Variants in GNG7 observed in about 807,000 individuals in gnomAD.
GNG7 encodes the protein guanine nucleotide-binding protein G(I)/G(S)/G(O) subunit gamma-7.
Under a neutral mutation model 4.0 loss-of-function variants are expected in GNG7, and 1 was observed. That is an observed-to-expected ratio of 0.25 (90% CI 0.09 to 1.18). The LOEUF is 1.18. Among genes scored for constraint, GNG7 ranks in the 50% most tolerant of loss-of-function variants. The probability of loss-of-function intolerance (pLI) is 0.50; values close to 1 mark genes in which losing one functional copy is unlikely to be tolerated. For synonymous variants in GNG7, 34 were observed against 36.9 expected, an observed-to-expected ratio of 0.92 and a Z score of 0.29; for missense variants, 86 against 91.9, an observed-to-expected ratio of 0.94 and a Z score of 0.26.
rs540144542 is a variant in GNG7, at chr19:2,642,691, G to A, written c.-78+3533C>T. On this transcript the variant is annotated intron_variant, in intron 2 of 4. Transcript: ENST00000382159. The stretch of plus-strand genomic sequence containing the variant: ...AATTTTCTGTAGAGTTTAGGATATC[G>A]CTCTGTTGACCAGGCTGATCTCAAA... 339 of 423,408 alleles carry A rather than the reference G, an allele frequency of 8.0e-4. 5 individuals are homozygous for A. Among genetic ancestry groups the A allele is most frequent in the South Asian group, 5.7e-3 (332 of 58,126 alleles). The allele number at this position is 423,408 out of a possible 1,614,324, so 26.2% of individuals were successfully genotyped here. A position where few individuals can be genotyped will look rare whatever the true frequency, so the allele number is the denominator to read the frequency against.
intron 2 of GNG7, among the ~76,000 whole-genome samples, chr19:2,593,066 G>A (rs921043337): frequency 3.4e-5 from 5 of 145,954 alleles, no homozygotes; most frequent in African/African-American, 7.5e-5. Flanking sequence ...AGGAGAGGGA[G>A]GGAGGAAAAA....
chr19:2,543,488 G>A (rs552339235), intron 3 of GNG7, among the ~76,000 whole-genome samples: 1 of 152,260 alleles, frequency 6.6e-6, no homozygotes, highest in African/African-American at 2.4e-5. Flanking sequence ...GCCTCCCAAA[G>A]TGCTAGGATC....
chr19:2,554,171 T>A (rs1361597259), intron 3 of GNG7, among the ~76,000 whole-genome samples: 1 of 145,250 alleles, frequency 6.9e-6, no homozygotes, highest in Non-Finnish European at 1.5e-5. Context: ...ATATAATATA[T>A]AATATATATA....
chr19:2,603,287 G>A (rs995606588), intron 2 of GNG7, among the ~76,000 whole-genome samples: 2 of 152,146 alleles, frequency 1.3e-5, no homozygotes, highest in Non-Finnish European at 1.5e-5. Flanking sequence ...GGGTGATCTC[G>A]ATCTCCTGAC....
At chr19:2,658,129 C>T (rs941925672) in intron 1 of GNG7, among the ~76,000 whole-genome samples, 4 of 152,064 alleles carry the variant, frequency 2.6e-5, no homozygotes, top group Non-Finnish European at 5.9e-5. Context: ...ACCTCTTTGT[C>T]TTGTGTCTTT....
At chr19:2,699,085 T>A (rs1913337429) in intron 1 of GNG7, among the ~76,000 whole-genome samples, 2 of 151,720 alleles carry the variant, frequency 1.3e-5, no homozygotes, top group African/African-American at 4.8e-5. Flanking sequence ...CTTCAGGCCA[T>A]CTTCTAAATC....
At chr19:2,615,886 C>T (rs536509840) in intron 2 of GNG7, among the ~76,000 whole-genome samples, 2 of 152,344 alleles carry the variant, frequency 1.3e-5, no homozygotes, top group Admixed American at 6.5e-5. Flanking sequence ...TGTGCACCCA[C>T]GGCAGCCAGC....
intron 1 of GNG7, among the ~76,000 whole-genome samples, chr19:2,695,248 G>A (rs1293991685): frequency 1.3e-5 from 2 of 151,378 alleles, no homozygotes; most frequent in East Asian, 3.9e-4. Context: ...AAGCTTCCTC[G>A]TGGCCTCCTG....
At chr19:2,644,533 T>C (rs1982615465) in intron 2 of GNG7, among the ~76,000 whole-genome samples, 1 of 151,894 alleles carries the variant, frequency 6.6e-6, no homozygotes, top group Non-Finnish European at 1.5e-5. Context: ...CACAATTCAA[T>C]GGCATTTAGT....
intron 1 of GNG7, among the ~76,000 whole-genome samples, chr19:2,699,474 TA>T (rs1913348697): frequency 6.6e-6 from 1 of 152,162 alleles, no homozygotes; most frequent in Non-Finnish European, 1.5e-5. Context: ...TAATGTTTTC[TA>T]AAAGCAGTGA....
chr19:2,680,146 T>C (rs1009750711), intron 1 of GNG7, among the ~76,000 whole-genome samples: 24 of 119,344 alleles, frequency 2.0e-4, no homozygotes, highest in East Asian at 1.6e-3. Flanking sequence ...CCTTGTCTCT[T>C]TTTTTTTTTT....
chr19:2,623,366 G>A lies in GNG7; in HGVS notation c.-78+22858C>T, dbSNP rs1981932259. ...GTTCCTTACCCAAAGGAATTGCAAGGAGGGGCTCGGACAGATACTTGTACT... is the reference window on the plus strand; with the variant it reads ...GTTCCTTACCCAAAGGAATTGCAAGAAGGGGCTCGGACAGATACTTGTACT... On this transcript the variant is annotated intron_variant, in intron 2 of 4. Coordinates refer to ENST00000382159, the MANE Select transcript of GNG7 (RefSeq NM_052847.3). Among the ~76,000 whole-genome samples the A allele has an allele frequency of 2.6e-5, 4 of 151,714 alleles. No homozygotes were observed. The South Asian group carries it at 6.2e-4, about 24-fold the overall frequency.
At position 2,633,928 on chromosome 19, in the gene GNG7, C is replaced by G. The variant is rs1982238376; in HGVS notation, c.-78+12296G>C. Among the ~76,000 whole-genome samples the G allele has an allele frequency of 6.6e-6, 1 of 151,852 alleles. No homozygotes were observed. Among genetic ancestry groups the G allele is most frequent in the East Asian group, 2.0e-4 (1 of 5,108 alleles). On this transcript the variant is annotated intron_variant, in intron 2 of 4. Coordinates refer to ENST00000382159, the MANE Select transcript of GNG7 (RefSeq NM_052847.3). The surrounding 1 kb of genome is among the most constrained non-coding windows in gnomAD (Gnocchi z 5.9). ...CATGGCATCCACCAATCGAGGCAGCCACAAATGTCTCCTGGGTGCAAAATT... is the reference window on the plus strand; with the variant it reads ...CATGGCATCCACCAATCGAGGCAGCGACAAATGTCTCCTGGGTGCAAAATT...
chr19:2,640,496 G>A (rs1043733059), intron 2 of GNG7, among the ~76,000 whole-genome samples: 1 of 152,190 alleles, frequency 6.6e-6, no homozygotes, highest in African/African-American at 2.4e-5. Context: ...CCCTCCTTGT[G>A]TGAAATCTAC....
At chr19:2,545,520 G>T (rs550559652) in intron 3 of GNG7, among the ~76,000 whole-genome samples, 1 of 151,824 alleles carries the variant, frequency 6.6e-6, no homozygotes, top group Non-Finnish European at 1.5e-5. Flanking sequence ...GCATGGTAGC[G>T]CATGCCTGTA....
At chr19:2,671,398 C>A (rs1353464888) in intron 1 of GNG7, among the ~76,000 whole-genome samples, 1 of 152,120 alleles carries the variant, frequency 6.6e-6, no homozygotes, top group Non-Finnish European at 1.5e-5. Flanking sequence ...AAAGGACCAA[C>A]CCTCCAAGTG....
chr19:2,545,007 G>A (rs891871397), intron 3 of GNG7, among the ~76,000 whole-genome samples: 3 of 152,302 alleles, frequency 2.0e-5, no homozygotes, highest in South Asian at 2.1e-4. Context: ...CAACTCCTGG[G>A]ATTCACCTCC....
rs895895999 is a variant in GNG7, at chr19:2,553,458, A to C, written c.-38+1691T>G. Among the ~76,000 whole-genome samples the C allele has an allele frequency of 2.0e-5, 3 of 147,520 alleles. No homozygotes were observed. In the South Asian group the frequency reaches 6.3e-4, roughly 31 times the overall value. ...ATATGTTATATATTATATGCAATAT[A>C]TTATGTTATATATTATATACTATAT... On this transcript the variant is annotated intron_variant, in intron 3 of 4. Coordinates refer to ENST00000382159, the MANE Select transcript of GNG7 (RefSeq NM_052847.3).
intron 1 of GNG7, among the ~76,000 whole-genome samples, chr19:2,672,445 G>A (rs547055980): frequency 1.4e-5 from 2 of 138,988 alleles, no homozygotes; most frequent in Admixed American, 7.5e-5. Context: ...TGTGACGCCC[G>A]ATTTTTTTTT....
Sources: gnomAD v4.1 joint callset for allele counts (sites outside exome capture counted in the v4.1 genomes callset) on GRCh38, gnomAD v4.1.1 for gene constraint, Gnocchi (gnomAD v3.1) non-coding constraint, MANE v1.5 for transcripts, NCBI Gene and HGNC (gene_info 2026-07-23, HGNC 2026-07-21) for gene names.